Variants in ACADL observed in about 807,000 individuals in gnomAD.
ACADL encodes acyl-CoA dehydrogenase long chain.
Under a neutral mutation model 56.9 loss-of-function variants are expected in ACADL, and 60 were observed. The ratio of observed to expected loss-of-function variants is 1.05; its 90% CI spans 0.86 to 1.31. The LOEUF is 1.31. ACADL is among the 50% of genes most tolerant of loss of function. The pLI, the probability that ACADL is intolerant of heterozygous loss-of-function variation, is 0.00. For synonymous variants in ACADL, 158 were observed against 179.7 expected (o/e 0.88, Z 0.97); for missense variants, 484 against 525.5 (o/e 0.92, Z 0.77).
intron 8 of ACADL, 58 bp downstream of exon 8, chr2:210,203,273 G>A: frequency 8.6e-7 from 1 of 1,165,826 alleles, no homozygotes; most frequent in Non-Finnish European, 1.3e-6. Flanking sequence ...TTTACCCCAG[G>A]CCATTTCAGA....
chr2:210,201,673 A>G (rs1688794739), intron 8 of ACADL, among the ~76,000 whole-genome samples: 1 of 152,170 alleles, frequency 6.6e-6, no homozygotes, highest in Admixed American at 6.6e-5. Flanking sequence ...ATTCTACTTA[A>G]AAATTTTTAA....
At chr2:210,206,397 C>T (rs1027872311) in intron 5 of ACADL, among the ~76,000 whole-genome samples, 2 of 151,936 alleles carry the variant, frequency 1.3e-5, no homozygotes, top group Admixed American at 6.6e-5. Context: ...TACCACTGCA[C>T]CCCAACCTGG....
chr2:210,203,981 T>A (rs1452117139), intron 7 of ACADL, among the ~76,000 whole-genome samples: 1 of 152,226 alleles, frequency 6.6e-6, no homozygotes, highest in Non-Finnish European at 1.5e-5. Flanking sequence ...GAAATAAACA[T>A]CTTAAAGCAC....
At chr2:210,204,939 T>C (rs1378568903) in intron 6 of ACADL, among the ~76,000 whole-genome samples, 1 of 152,224 alleles carries the variant, frequency 6.6e-6, no homozygotes, top group East Asian at 1.9e-4. Context: ...CTCAAGGTAC[T>C]TGGAACTAAG....
intron 10 of ACADL, among the ~76,000 whole-genome samples, chr2:210,191,017 A>G (rs938761242): frequency 1.2e-4 from 18 of 150,856 alleles, no homozygotes; most frequent in Admixed American, 3.3e-4. Flanking sequence ...CTCGGGTTAG[A>G]GCGATTCTCA....
At chr2:210,225,009 G>T in intron 1 of ACADL, 178 bp downstream of exon 1, 1 of 985,406 alleles carries the variant, frequency 1.0e-6, no homozygotes, top group Non-Finnish European at 1.2e-6. Context: ...CCCAGATGCT[G>T]GTTGCACCCA....
intron 10 of ACADL, among the ~76,000 whole-genome samples, chr2:210,190,923 GT>G (rs55775332): frequency 1.1e-4 from 15 of 142,296 alleles, no homozygotes; most frequent in African/African-American, 1.6e-4. Context: ...GTTGTTGTTT[GT>G]TTTTTTTTTT....
At chr2:210,224,393 G>A in intron 1 of ACADL, 1 of 985,190 alleles carries the variant, frequency 1.0e-6, no homozygotes, top group Non-Finnish European at 1.2e-6. Context: ...AATTAGAGTA[G>A]CTTACACCAA....
chr2:210,197,781 A>G (rs1688733070), intron 8 of ACADL, among the ~76,000 whole-genome samples: 1 of 152,186 alleles, frequency 6.6e-6, no homozygotes, highest in Non-Finnish European at 1.5e-5. Context: ...AATGCTGGAA[A>G]CTTCTAGAAG....
At chr2:210,203,061 C>A (rs112000989) in intron 8 of ACADL, among the ~76,000 whole-genome samples, 1 of 152,250 alleles carries the variant, frequency 6.6e-6, no homozygotes, top group African/African-American at 2.4e-5. Flanking sequence ...TCTGTTTATT[C>A]ATTCTCAGTC....
chr2:210,218,179 G>A (rs1201264594), intron 2 of ACADL, 77 bp from the exon 3 acceptor site: 8 of 1,360,908 alleles, frequency 5.9e-6, no homozygotes, highest in African/African-American at 1.5e-5. Flanking sequence ...ACTTATGAAT[G>A]ATTTTGTGTA....
chr2:210,195,391 T>C (rs1688693494), intron 8 of ACADL, 53 bp from the exon 9 acceptor site: 7 of 1,538,024 alleles, frequency 4.6e-6, no homozygotes, highest in Non-Finnish European at 5.4e-6. Flanking sequence ...AAATATAAAC[T>C]TCAACCCACT....
chr2:210,204,528 T>C (rs1417011205), intron 7 of ACADL, 53 bp downstream of exon 7: 17 of 1,296,454 alleles, frequency 1.3e-5, no homozygotes, highest in African/African-American at 1.5e-5. Flanking sequence ...TCTATATTAT[T>C]CTATTCCAAT....
chr2:210,214,198 C>T (rs551681173), intron 4 of ACADL, among the ~76,000 whole-genome samples: 4 of 151,884 alleles, frequency 2.6e-5, no homozygotes, highest in Non-Finnish European at 5.9e-5. Context: ...CAAATCAAAC[C>T]AAAAATATAG....
rs963589960 is a variant in ACADL, at chr2:210,225,385, A to G, written c.-122T>C. 4.4e-6 allele frequency: 5 copies of G among 1,132,036 alleles called. No individual in the cohort carries two copies. In the African/African-American group the frequency reaches 6.5e-5, roughly 15 times the overall value. 70.1% of individuals were successfully genotyped at this position (1,132,036 alleles called of 1,614,324 possible). A position where few individuals can be genotyped will look rare whatever the true frequency, so the allele number is the denominator to read the frequency against. On this transcript the variant is annotated 5_prime_UTR_variant, in exon 1 of 11. Coordinates refer to ENST00000233710, the MANE Select transcript of ACADL (RefSeq NM_001608.4). Reference sequence around the variant, plus strand: ...CGTCCACCTGTGGTGTCCTCCCAAAAAAGCGCTCGCGCGCGCCCTTCCGGA... The same window carrying G: ...CGTCCACCTGTGGTGTCCTCCCAAAGAAGCGCTCGCGCGCGCCCTTCCGGA...
chr2:210,189,719 C>A (rs539816353), intron 10 of ACADL, among the ~76,000 whole-genome samples: 152 of 151,958 alleles, frequency 1.0e-3, no homozygotes, highest in Middle Eastern at 6.9e-3. Flanking sequence ...ACAACCGTAC[C>A]ACTGTACAGT....
Position 210,188,285 on chromosome 2 carries a change from C to A in ACADL, c.*676G>T, listed in dbSNP as rs564101297. 1 of 152,362 alleles carries A rather than the reference C, an allele frequency of 6.6e-6. No homozygotes were observed. The highest frequency in any genetic ancestry group is 6.5e-5 in the Admixed American group (1 of 15,310). 9.4% of individuals were successfully genotyped at this position (152,362 alleles called of 1,614,324 possible). ...AAAATGATGGATTATTCTGTGTTCT[C>A]AGATGTCAGCAATTGACAGAACCAA... On this transcript the variant is annotated 3_prime_UTR_variant, in exon 11 of 11. Coordinates refer to ENST00000233710, the MANE Select transcript of ACADL (RefSeq NM_001608.4).
At chr2:210,202,055 G>A (rs1312413920) in intron 8 of ACADL, among the ~76,000 whole-genome samples, 17 of 152,032 alleles carry the variant, frequency 1.1e-4, no homozygotes, top group East Asian at 1.9e-4. Context: ...TCACTCACCT[G>A]TCTTTCAAGG....
intron 5 of ACADL, among the ~76,000 whole-genome samples, chr2:210,208,481 G>A (rs1438483993): frequency 6.6e-6 from 1 of 152,148 alleles, no homozygotes; most frequent in African/African-American, 2.4e-5. Context: ...TCCTAATTAT[G>A]ACACTCCAAA....
Sources: allele counts gnomAD v4.1 joint callset (sites outside exome capture counted in the v4.1 genomes callset), GRCh38; gene constraint gnomAD v4.1.1; transcripts MANE v1.5; gene names NCBI Gene and HGNC (gene_info 2026-07-23, HGNC 2026-07-21).